Variants in MEGF8 observed in about 807,000 individuals in gnomAD.
The protein encoded by MEGF8 is multiple epidermal growth factor-like domains protein 8.
A neutral mutation model predicts 302.9 loss-of-function variants in MEGF8; 156 were observed. The observed-to-expected ratio is 0.52, with a 90% CI of 0.45 to 0.59. MEGF8 has a LOEUF of 0.59. MEGF8 is among the 20% of genes least tolerant of loss of function. MEGF8 has a pLI of 0.00. For synonymous variants in MEGF8, 1,621 were observed against 1,660.5 expected, an observed-to-expected ratio of 0.98 and a Z score of 0.58; for missense variants, 3,345 against 3,964.5, an observed-to-expected ratio of 0.84 and a Z score of 4.20.
chr19:42,350,101 C>T (rs1209025062), intron 14 of MEGF8, 47 bp from the exon 15 acceptor site: 10 of 1,487,550 alleles, frequency 6.7e-6, no homozygotes, highest in Non-Finnish European at 9.3e-6. Flanking sequence ...AGACTCTGAC[C>T]CCTGCCCCAG....
Position 42,350,233 on chromosome 19 carries a change from G to A in MEGF8, c.2585G>A (p.Gly862Asp), listed in dbSNP as rs1467923818. The A allele has an allele frequency of 6.2e-7, 1 of 1,613,022 alleles. No homozygotes were observed. The highest frequency in any genetic ancestry group is 1.7e-5 in the Admixed American group (1 of 60,030). Residue 862 changes from glycine (G) to aspartate (D), a missense_variant, in exon 15 of 42, where the codon GGC (glycine) becomes GAC (aspartate). Gly to Asp is a moderately conservative substitution (Grantham distance 94, BLOSUM62 -1). Coordinates refer to ENST00000251268, the MANE Select transcript of MEGF8 (RefSeq NM_001271938.2). Reference sequence around the variant, plus strand: ...TGCCTGGGCTGCTTGGCAGACCAGGGCTGTGGCTGGTGCCTGACCAGTGCC... The same window carrying A: ...TGCCTGGGCTGCTTGGCAGACCAGGACTGTGGCTGGTGCCTGACCAGTGCC... ...SSCLGCLADQ[G>D]CGWCLTSATC...
chr19:42,354,976 C>T lies in MEGF8; in HGVS notation c.4144+256C>T, dbSNP rs1209784053. On this transcript the variant is annotated intron_variant, in intron 23 of 41. Transcript: ENST00000251268. This position sits in a 1 kb window ranked among gnomAD's most constrained non-coding sequence, Gnocchi z 4.3. ...ATAGAATGTGGTTGGTGTGAGGATC[C>T]CACACCACTCACTCTTTCCAGCTAG... Among the ~76,000 whole-genome samples the T allele has an allele frequency of 2.6e-5, 4 of 152,084 alleles. No homozygotes were observed. Among genetic ancestry groups the T allele is most frequent in the Non-Finnish European group, 5.9e-5 (4 of 68,024 alleles).
Position 42,370,799 on chromosome 19 carries a change from G to A in MEGF8, c.7104G>A (p.Gln2368=), listed in dbSNP as rs1441902635. The change falls in exon 40 of 42, where the codon CAG becomes CAA. Residue 2368 remains glutamine, a synonymous_variant. Transcript: ENST00000251268. Reference sequence around the variant, plus strand: ...GGGAGAAATGCGAGAGCTGCCTGCAGGGCTACTTCCTCCTGGACGGGAAGT... The same window carrying A: ...GGGAGAAATGCGAGAGCTGCCTGCAAGGCTACTTCCTCCTGGACGGGAAGT... ...SYGEKCESCL[Q]GYFLLDGKCT... is the part of the protein sequence containing the mutation. 7.2e-7 allele frequency: 1 copy of A among 1,392,434 alleles called. No individual in the cohort carries two copies. Among genetic ancestry groups the A allele is most frequent in the South Asian group, 1.2e-5 (1 of 80,894 alleles). 86.3% of individuals were successfully genotyped at this position (1,392,434 alleles called of 1,614,324 possible).
At position 42,354,826 on chromosome 19, in the gene MEGF8, A is replaced by G. The variant is rs1036021956; in HGVS notation, c.4144+106A>G. ...TCAGGACCCAGCTCTGCCGCTGCTT[A>G]TGGGGTGATGTAGTCCCTCACCATC... On this transcript the variant is annotated intron_variant, in intron 23 of 41. Transcript: ENST00000251268. The surrounding 1 kb of genome is among the most constrained non-coding windows in gnomAD (Gnocchi z 4.3). 167 of 1,243,208 alleles carry G rather than the reference A, an allele frequency of 1.3e-4. 1 individual carries two copies. Among genetic ancestry groups the G allele is most frequent in the Non-Finnish European group, 3.2e-5 (29 of 912,084 alleles). 77.0% of individuals were successfully genotyped at this position (1,243,208 alleles called of 1,614,324 possible). A position where few individuals can be genotyped will look rare whatever the true frequency, so the allele number is the denominator to read the frequency against.
At chr19:42,335,893 CTG>C in intron 5 of MEGF8, 36 bp from the exon 6 acceptor site, 12 of 1,437,120 alleles carry the variant, frequency 8.4e-6, no homozygotes, top group Non-Finnish European at 1.1e-5. Context: ...GGCTCTCTTG[CTG>C]TGTCTCTACC....
At chr19:42,367,498 C>T (rs893162009) in intron 35 of MEGF8, among the ~76,000 whole-genome samples, 1 of 152,092 alleles carries the variant, frequency 6.6e-6, no homozygotes, top group African/African-American at 2.4e-5. Context: ...CCATGTTAGC[C>T]AGGATGGTGT....
intron 31 of MEGF8, 111 bp downstream of exon 31, chr19:42,359,353 G>A (rs2058207712): frequency 3.0e-6 from 3 of 986,744 alleles, no homozygotes; most frequent in Non-Finnish European, 4.1e-6. Flanking sequence ...AGACCCACTG[G>A]CAGAGCTCCC....
rs888813558 is a variant in MEGF8, at chr19:42,375,002, G to A, written c.7270-505G>A. ...TGCAAAGGCCCCAGGGTGGGAGGGC[G>A]CCTGGCACAGTATAGAAGAAGCATC... On this transcript the variant is annotated intron_variant, in intron 41 of 41. Coordinates refer to ENST00000251268, the MANE Select transcript of MEGF8 (RefSeq NM_001271938.2). This position sits in a 1 kb window ranked among gnomAD's most constrained non-coding sequence, Gnocchi z 7.1. Among the ~76,000 whole-genome samples, 14 of 152,290 alleles carry A rather than the reference G, an allele frequency of 9.2e-5. No individual in the cohort carries two copies. Among genetic ancestry groups the A allele is most frequent in the Admixed American group, 6.5e-4 (10 of 15,300 alleles).
At chr19:42,346,984 C>CAAAAAAA (rs767117534) in intron 12 of MEGF8, among the ~76,000 whole-genome samples, 18 of 49,452 alleles carry the variant, frequency 3.6e-4, no homozygotes, top group Non-Finnish European at 5.1e-4. Context: ...GACTCTGTCT[C>CAAAAAAA]AAAAAAAAAA....
chr19:42,370,849 G>GC lies in MEGF8; in HGVS notation c.7136+18_7136+19insC. The GC allele has an allele frequency of 6.9e-6, 1 of 144,576 alleles. No individual in the cohort carries two copies. Among genetic ancestry groups the GC allele is most frequent in the East Asian group, 1.4e-4 (1 of 6,930 alleles). The allele number at this position is 144,576 out of a possible 1,614,324, so 9.0% of individuals were successfully genotyped here. On this transcript the variant is annotated intron_variant, in intron 40 of 41. Coordinates refer to ENST00000251268, the MANE Select transcript of MEGF8 (RefSeq NM_001271938.2). The stretch of plus-strand genomic sequence containing the variant: ...TGCACCAAGTAAGAGGAACCGGGGG[G>GC]GGGGGGGGGGGGGGGGGGGGGGGAG...
chr19:42,338,825 ATTTTTTTTTT>A (rs55994617), intron 8 of MEGF8, among the ~76,000 whole-genome samples: 9 of 47,158 alleles, frequency 1.9e-4, no homozygotes, highest in Non-Finnish European at 3.6e-4. Flanking sequence ...CTTTCTATGT[ATTTTTTTTTT>A]TTTTTTTTTT....
At position 42,351,472 on chromosome 19, in the gene MEGF8, G is replaced by T; in HGVS notation, c.2899G>T (p.Ala967Ser). ...CTGCCTGGCCAACTCTAGCCAGTGC[G>T]CCTGGTGCCAGTCCACCCACACCTG... The part of the protein sequence containing the change: ...EDCLANSSQC[A>S]WCQSTHTCFL... The change falls in exon 17 of 42, where the codon GCC becomes TCC. Residue 967 changes from alanine to serine, a missense_variant. Physicochemically the swap from Ala to Ser is moderately conservative, Grantham distance 99. Coordinates refer to ENST00000251268, the MANE Select transcript of MEGF8 (RefSeq NM_001271938.2). This position sits in a 1 kb window ranked among gnomAD's most constrained non-coding sequence, Gnocchi z 5.6. The T allele has an allele frequency of 1.2e-6, 2 of 1,602,486 alleles. No individual in the cohort carries two copies. Among genetic ancestry groups the T allele is most frequent in the Non-Finnish European group, 1.7e-6 (2 of 1,174,966 alleles).
At position 42,368,486 on chromosome 19, in the gene MEGF8, G is replaced by A. The variant is rs764738722; in HGVS notation, c.6305G>A (p.Cys2102Tyr). The A allele has an allele frequency of 3.1e-6, 5 of 1,609,994 alleles. No individual in the cohort carries two copies. The highest frequency in any genetic ancestry group is 3.4e-6 in the Non-Finnish European group (4 of 1,178,810). The change falls in exon 36 of 42, where the codon TGT (cysteine) becomes TAT (tyrosine). Residue 2102 changes from cysteine (C) to tyrosine (Y), a missense_variant. Transcript: ENST00000251268. The surrounding 1 kb of genome is among the most constrained non-coding windows in gnomAD (Gnocchi z 4.9). ...CLSPSYLPLR[C>Y]MAGGCGRLLR... The stretch of plus-strand genomic sequence containing the variant: ...AGCCCTTCCTACCTGCCCCTGCGAT[G>A]TATGGCCGGAGGCTGTGGGCGGCTG...
Position 42,352,606 on chromosome 19 carries a change from AT to A in MEGF8, c.3350+152del. 1 of 1,060,482 alleles carries A rather than the reference AT, an allele frequency of 9.4e-7. No homozygotes were observed. The highest frequency in any genetic ancestry group is 1.3e-6 in the Non-Finnish European group (1 of 753,012). The allele number at this position is 1,060,482 out of a possible 1,614,324, so 65.7% of individuals were successfully genotyped here. ...TTTTTACCTTGCACACTAGGTCCTT[AT>A]TAGAGTGACAGGGTCCCCAGTGTAA... On this transcript the variant is annotated intron_variant, in intron 19 of 41. Coordinates refer to ENST00000251268, the MANE Select transcript of MEGF8 (RefSeq NM_001271938.2). The surrounding 1 kb of genome is among the most constrained non-coding windows in gnomAD (Gnocchi z 4.4).
rs2039784173 is a variant in MEGF8, at chr19:42,377,450, G to C, written c.*675G>C. On this transcript the variant is annotated 3_prime_UTR_variant, in exon 42 of 42. Coordinates refer to ENST00000251268, the MANE Select transcript of MEGF8 (RefSeq NM_001271938.2). The stretch of plus-strand genomic sequence containing the variant: ...TTCTCAGGGCAATGGGAAGCTGTTG[G>C]ATGGTTTGATGAAGGGGAGTGACAG... 1 of 152,702 alleles carries C rather than the reference G, an allele frequency of 6.5e-6. No homozygotes were observed. The highest frequency in any genetic ancestry group is 2.1e-4 in the South Asian group (1 of 4,832). 9.5% of individuals were successfully genotyped at this position (152,702 alleles called of 1,614,324 possible).
rs1600083903 is a variant in MEGF8, at chr19:42,376,733, G to A, written c.8496G>A (p.Lys2832=). ...GGCATGGGACTGGTGCGGGCCGGAA[G>A]GGACTGTTGAGCCAGGACAACCTCA... ...GSGHGTGAGR[K]GLLSQDNLTS... The change falls in exon 42 of 42, where the codon AAG becomes AAA. Residue 2832 remains lysine, a synonymous_variant. Coordinates refer to ENST00000251268, the MANE Select transcript of MEGF8 (RefSeq NM_001271938.2). The surrounding 1 kb of genome is among the most constrained non-coding windows in gnomAD (Gnocchi z 8.2). 3 of 1,476,434 alleles carry A rather than the reference G, an allele frequency of 2.0e-6. No homozygotes were observed. Among genetic ancestry groups the A allele is most frequent in the Admixed American group, 4.5e-5 (2 of 44,108 alleles). The allele number at this position is 1,476,434 out of a possible 1,614,324, so 91.5% of individuals were successfully genotyped here. A position where few individuals can be genotyped will look rare whatever the true frequency, so the allele number is the denominator to read the frequency against.
Position 42,325,876 on chromosome 19 carries a change from C to T in MEGF8, c.-368C>T, listed in dbSNP as rs990486916. On this transcript the variant is annotated 5_prime_UTR_variant, in exon 1 of 42. Coordinates refer to ENST00000251268, the MANE Select transcript of MEGF8 (RefSeq NM_001271938.2). ...GCCCTTCGCCCCCTGGGGACCCACCCGTCTATAAGGTCCGTTTGGCCTGCA... is the reference window on the plus strand; with the variant it reads ...GCCCTTCGCCCCCTGGGGACCCACCTGTCTATAAGGTCCGTTTGGCCTGCA... 5.0e-6 allele frequency: 1 copy of T among 200,392 alleles called. No individual in the cohort carries two copies. Among genetic ancestry groups the T allele is most frequent in the African/African-American group, 2.3e-5 (1 of 43,344 alleles). 12.4% of individuals were successfully genotyped at this position (200,392 alleles called of 1,614,324 possible).
intron 31 of MEGF8, among the ~76,000 whole-genome samples, chr19:42,360,135 A>G (rs1416942146): frequency 6.8e-6 from 1 of 148,062 alleles, no homozygotes; most frequent in Non-Finnish European, 1.5e-5. Flanking sequence ...TGGGTGACAG[A>G]GCAAGACTCT....
intron 8 of MEGF8, among the ~76,000 whole-genome samples, chr19:42,337,727 C>T (rs1053542524): frequency 3.3e-5 from 5 of 151,924 alleles, no homozygotes; most frequent in East Asian, 1.9e-4. Flanking sequence ...AGGGTGGTCT[C>T]GATTTCCTGA....
Sources: allele counts gnomAD v4.1 joint callset (sites outside exome capture counted in the v4.1 genomes callset), GRCh38; gene constraint gnomAD v4.1.1; non-coding constraint Gnocchi (gnomAD v3.1); transcripts MANE v1.5; gene names NCBI Gene and HGNC (gene_info 2026-07-23, HGNC 2026-07-21).